CARMIL1: variants seen among roughly 807,000 people sequenced by gnomAD.
CARMIL1 encodes F-actin-uncapping protein LRRC16A.
CARMIL1 carries 90 observed loss-of-function variants against 177.1 expected under a neutral mutation model. That is an observed-to-expected ratio of 0.51 (90% confidence interval 0.43 to 0.61). The LOEUF is 0.61. Ranked by LOEUF, CARMIL1 falls within the 20% of genes least tolerant of loss-of-function variation. The pLI, the probability that CARMIL1 is intolerant of heterozygous loss-of-function variation, is 0.00. For synonymous variants in CARMIL1, 577 were observed against 606.2 expected (o/e 0.95, Z 0.71); for missense variants, 1,380 against 1,667.0 (o/e 0.83, Z 3.00).
At chr6:25,324,933 C>G (rs984053673) in intron 2 of CARMIL1, among the ~76,000 whole-genome samples, 1 of 151,736 alleles carries the variant, frequency 6.6e-6, no homozygotes, top group Non-Finnish European at 1.5e-5. Context: ...AGTGGAAGAG[C>G]TAGGATAGGG....
intron 29 of CARMIL1, among the ~76,000 whole-genome samples, chr6:25,574,400 A>C (rs1812400580): frequency 2.0e-5 from 3 of 152,202 alleles, no homozygotes; most frequent in Non-Finnish European, 2.9e-5. Flanking sequence ...CTAGGAGTGC[A>C]AGAGCTTCTC....
intron 26 of CARMIL1, among the ~76,000 whole-genome samples, chr6:25,541,793 A>G (rs868649158): frequency 4.2e-4 from 64 of 152,128 alleles, no homozygotes; most frequent in Middle Eastern, 3.2e-3. Context: ...AGCTGGGACT[A>G]CAGGTGCCGG....
intron 2 of CARMIL1, among the ~76,000 whole-genome samples, chr6:25,352,062 ATT>A (rs1233234802): frequency 6.6e-6 from 1 of 151,966 alleles, no homozygotes; most frequent in Non-Finnish European, 1.5e-5. Context: ...GATGTTCAAT[ATT>A]TATCAAAACC....
At chr6:25,455,491 A>G (rs1371713332) in intron 8 of CARMIL1, among the ~76,000 whole-genome samples, 2 of 152,198 alleles carry the variant, frequency 1.3e-5, no homozygotes, top group Non-Finnish European at 2.9e-5. Flanking sequence ...AGGATTTTTA[A>G]GGGATGGTGA....
At chr6:25,530,050 T>C (rs1409816933) in intron 24 of CARMIL1, among the ~76,000 whole-genome samples, 1 of 151,838 alleles carries the variant, frequency 6.6e-6, no homozygotes, top group African/African-American at 2.4e-5. Context: ...AAATGAGAGA[T>C]ATTAGAGGAC....
chr6:25,532,839 G>C (rs1807904854), intron 24 of CARMIL1, among the ~76,000 whole-genome samples: 1 of 152,142 alleles, frequency 6.6e-6, no homozygotes, highest in African/African-American at 2.4e-5. Flanking sequence ...AAATACTTTA[G>C]GCTTTGGAGC....
chr6:25,407,519 C>A (rs1474963110), intron 2 of CARMIL1, among the ~76,000 whole-genome samples: 2 of 152,042 alleles, frequency 1.3e-5, no homozygotes, highest in African/African-American at 4.8e-5. Flanking sequence ...CTGATAATTT[C>A]TGTTTTCTCT....
intron 2 of CARMIL1, among the ~76,000 whole-genome samples, chr6:25,362,169 A>G (rs1294235655): frequency 4.6e-5 from 7 of 152,228 alleles, no homozygotes; most frequent in African/African-American, 1.7e-4. Context: ...TATTACTGGC[A>G]TAAGTGGAAA....
At chr6:25,542,569 C>A (rs1250789304) in intron 26 of CARMIL1, among the ~76,000 whole-genome samples, 2 of 152,064 alleles carry the variant, frequency 1.3e-5, no homozygotes, top group African/African-American at 4.8e-5. Context: ...TTTTCCTGTT[C>A]CCTACTCACT....
intron 31 of CARMIL1, among the ~76,000 whole-genome samples, chr6:25,588,042 A>G (rs1453692756): frequency 1.3e-5 from 2 of 152,258 alleles, no homozygotes; most frequent in Admixed American, 6.5e-5. Flanking sequence ...AAAATACAGT[A>G]TAACAATTAT....
intron 25 of CARMIL1, among the ~76,000 whole-genome samples, chr6:25,539,509 C>T (rs1377063155): frequency 1.3e-5 from 2 of 151,440 alleles, no homozygotes; most frequent in African/African-American, 2.4e-5. Flanking sequence ...CCTGTAATCC[C>T]AGCTTCTCGG....
At chr6:25,412,435 G>T (rs1441352218) in intron 2 of CARMIL1, among the ~76,000 whole-genome samples, 1 of 152,154 alleles carries the variant, frequency 6.6e-6, no homozygotes, top group African/African-American at 2.4e-5. Context: ...TTAAAAACTA[G>T]CTGGGCATGG....
chr6:25,345,469 T>C (rs1787409385), intron 2 of CARMIL1, among the ~76,000 whole-genome samples: 1 of 152,206 alleles, frequency 6.6e-6, no homozygotes, highest in Admixed American at 6.5e-5. Context: ...GGCTGCCTGC[T>C]GGACATCTCT....
chr6:25,530,072 G>GA (rs796720896), intron 24 of CARMIL1, among the ~76,000 whole-genome samples: 1 of 151,580 alleles, frequency 6.6e-6, no homozygotes, highest in African/African-American at 2.4e-5. Context: ...GGAAAGAATA[G>GA]AAAACCATTT....
In CARMIL1 at chr6:25,558,570, G is replaced by C. The variant is rs1810838040; in HGVS notation, c.2742+1720G>C. On this transcript the variant is annotated intron_variant, in intron 29 of 36. Coordinates refer to ENST00000329474, the MANE Select transcript of CARMIL1 (RefSeq NM_017640.6). The surrounding 1 kb of genome is among the most constrained non-coding windows in gnomAD (Gnocchi z 4.1). Reference sequence around the variant, plus strand: ...TGGAAGACCACCCTCAGAACTTAAGGGACAGGCCTGCAGCAGGCACAGCCC... The same window carrying C: ...TGGAAGACCACCCTCAGAACTTAAGCGACAGGCCTGCAGCAGGCACAGCCC... Among the ~76,000 whole-genome samples, 5 of 152,170 alleles carry C rather than the reference G, an allele frequency of 3.3e-5. No homozygotes were observed. The highest frequency in any genetic ancestry group is 1.3e-4 in the Admixed American group (2 of 15,278).
chr6:25,471,332 T>G (rs2150939954), intron 10 of CARMIL1, 75 bp downstream of exon 10: 1 of 425,210 alleles, frequency 2.4e-6, no homozygotes, highest in Non-Finnish European at 3.5e-6. Context: ...TAATTCATAG[T>G]TTTTTTTTTT....
chr6:25,360,349 C>T (rs982393887), intron 2 of CARMIL1, among the ~76,000 whole-genome samples: 1 of 152,140 alleles, frequency 6.6e-6, no homozygotes, highest in African/African-American at 2.4e-5. Flanking sequence ...GAACATCTTG[C>T]AGTGAGGAAT....
intron 8 of CARMIL1, among the ~76,000 whole-genome samples, chr6:25,459,274 T>TCTTTCTTTCTTTCTTTC (rs1799907930): frequency 1.6e-4 from 5 of 30,958 alleles, no homozygotes; most frequent in Admixed American, 4.0e-4. Flanking sequence ...TTCTTTTTTT[T>TCTTTCTTTCTTTCTTTC]TTTTTTAAGA....
chr6:25,549,480 T>A (rs763962793), intron 26 of CARMIL1, among the ~76,000 whole-genome samples: 1 of 152,214 alleles, frequency 6.6e-6, no homozygotes, highest in African/African-American at 2.4e-5. Context: ...GTATAGGAGC[T>A]TTCTTGAAAA....
Sources: gnomAD v4.1 joint callset for allele counts (sites outside exome capture counted in the v4.1 genomes callset) on GRCh38, gnomAD v4.1.1 for gene constraint, Gnocchi (gnomAD v3.1) non-coding constraint, MANE v1.5 for transcripts, NCBI Gene and HGNC (gene_info 2026-07-23, HGNC 2026-07-21) for gene names.